The following ANXA4 variants were observed in gnomAD, a reference collection of about 807,000 sequenced individuals.
ANXA4 encodes the protein 35-beta calcimedin.
In ANXA4, 39 loss-of-function variants were observed where a neutral mutation model predicts 49.8. The observed-to-expected ratio is 0.78, with a 90% CI of 0.61 to 1.02. The LOEUF is 1.02. ANXA4 is among the 50% of genes least tolerant of loss of function. The pLI is 0.00. For synonymous variants in ANXA4, 134 were observed against 152.5 expected (o/e 0.88, Z 0.89); for missense variants, 360 against 410.1 (o/e 0.88, Z 1.05).
intron 2 of ANXA4, among the ~76,000 whole-genome samples, chr2:69,663,259 G>A (rs540993936): frequency 7.4e-6 from 1 of 135,682 alleles, no homozygotes. Flanking sequence ...CTCCCAAAGT[G>A]CTGGGATTAC....
chr2:69,656,375 ATGTG>A (rs1474998943), intron 2 of ANXA4, among the ~76,000 whole-genome samples: 11 of 128,396 alleles, frequency 8.6e-5, no homozygotes, highest in African/African-American at 3.3e-4. Flanking sequence ...ATGTGTATAT[ATGTG>A]TATATATATG....
Position 69,821,926 on chromosome 2 carries a change from A to G in ANXA4, c.906+1105A>G, listed in dbSNP as rs539071757. On this transcript the variant is annotated intron_variant, in intron 12 of 12. Coordinates refer to ENST00000394295, the MANE Select transcript of ANXA4 (RefSeq NM_001153.5). ...ATACTACAAACAAGAAAAAAACAAA[A>G]TAACCCCAGGAAATGACAAATGATT... 2.0e-5 allele frequency among the ~76,000 whole-genome samples: 3 copies of G among 152,362 alleles called. No homozygotes were observed. The South Asian group carries it at 6.2e-4, about 32-fold the overall frequency.
chr2:69,736,547 C>A (rs1003240170), intron 3 of ANXA4, among the ~76,000 whole-genome samples: 2 of 152,164 alleles, frequency 1.3e-5, no homozygotes, highest in Non-Finnish European at 2.9e-5. Flanking sequence ...TAACTAATTA[C>A]CCTTCCCCAT....
At chr2:69,718,877 C>T (rs1669737302) in intron 2 of ANXA4, among the ~76,000 whole-genome samples, 1 of 151,178 alleles carries the variant, frequency 6.6e-6, no homozygotes, top group Non-Finnish European at 1.5e-5. Flanking sequence ...TGCATACGCA[C>T]ATGCATACAC....
chr2:69,749,951 G>C (rs1385436320), intron 1 of ANXA4, among the ~76,000 whole-genome samples: 1 of 151,718 alleles, frequency 6.6e-6, no homozygotes, highest in Non-Finnish European at 1.5e-5. Context: ...GATGGAGGCT[G>C]TCTATATTCT....
At chr2:69,784,876 C>T (rs1443214235) in intron 2 of ANXA4, among the ~76,000 whole-genome samples, 8 of 152,328 alleles carry the variant, frequency 5.3e-5, no homozygotes, top group African/African-American at 1.9e-4. Flanking sequence ...ATGTCTCTGT[C>T]TTCTCATATC....
chr2:69,740,680 CTTTTT>C (rs3077548), upstream of ANXA4, among the ~76,000 whole-genome samples: 2,535 of 75,628 alleles, frequency 0.034, 84 homozygotes, highest in African/African-American at 0.13. Flanking sequence ...CTTTCTTCCT[CTTTTT>C]TTTTTTTTTT....
intron 5 of ANXA4, 144 bp from the exon 6 acceptor site, chr2:69,807,762 A>T (rs1673507772): frequency 1.5e-6 from 1 of 664,432 alleles, no homozygotes; most frequent in East Asian, 2.8e-5. Context: ...CGGGTGGGAC[A>T]ATAAAAGTGA....
At chr2:69,725,198 G>A (rs377628935) in intron 3 of ANXA4, among the ~76,000 whole-genome samples, 140 of 152,104 alleles carry the variant, frequency 9.2e-4, no homozygotes, top group African/African-American at 3.2e-3. Flanking sequence ...CTGACTCAAG[G>A]TGACATATAG....
At chr2:69,757,454 TA>T (rs1331891108) in intron 1 of ANXA4, among the ~76,000 whole-genome samples, 1 of 143,312 alleles carries the variant, frequency 7.0e-6, no homozygotes, top group African/African-American at 2.6e-5. Context: ...TTTTTTTTTT[TA>T]GTAGAGACAG....
Position 69,676,885 on chromosome 2 carries a change from A to G in ANXA4, n.766+23603A>G, listed in dbSNP as rs577346090. On this transcript the variant is annotated intron_variant and non_coding_transcript_variant, in intron 2 of 3. Transcript: ENST00000418066. ...TCCAGCCTGGGCGACAGAGCGGGGG[A>G]AAAAAACAAAAAAACACCCCTATTC... Among the ~76,000 whole-genome samples, 354 of 152,162 alleles carry G rather than the reference A, an allele frequency of 2.3e-3. 1 individual carries two copies. Among genetic ancestry groups the G allele is most frequent in the Non-Finnish European group, 4.0e-3 (273 of 67,970 alleles).
chr2:69,823,516 A>G (rs1295331186), intron 12 of ANXA4, among the ~76,000 whole-genome samples: 1 of 152,112 alleles, frequency 6.6e-6, no homozygotes, highest in Non-Finnish European at 1.5e-5. Flanking sequence ...GCTTAAAGAA[A>G]AACACCAGGG....
intron 9 of ANXA4, 129 bp downstream of exon 9, chr2:69,816,323 T>C: frequency 1.4e-6 from 1 of 693,654 alleles, no homozygotes. Context: ...GTGTCTTAGA[T>C]TCTCACCCTG....
Position 69,781,469 on chromosome 2 carries a change from T to TTTATTAATCA in ANXA4, c.-46-48_-46-47insTTAATCATTA. 2.1e-6 allele frequency: 3 copies of TTTATTAATCA among 1,461,676 alleles called. No homozygotes were observed. The South Asian group carries it at 3.5e-5, about 17-fold the overall frequency. The allele number at this position is 1,461,676 out of a possible 1,614,324, so 90.5% of individuals were successfully genotyped here. On this transcript the variant is annotated intron_variant, in intron 1 of 12. Transcript: ENST00000394295. ...ACTGCAAGTTATCCTGATTAATGAT[T>TTTATTAATCA]TTAATGCCATTTCCTTCATCACAGT... is the stretch of plus-strand genomic sequence containing the variant.
chr2:69,709,297 A>G (rs1016529044), intron 2 of ANXA4, among the ~76,000 whole-genome samples: 1 of 152,200 alleles, frequency 6.6e-6, no homozygotes, highest in Non-Finnish European at 1.5e-5. Flanking sequence ...TACATCTATA[A>G]AGTTTACTTC....
intron 1 of ANXA4, among the ~76,000 whole-genome samples, chr2:69,647,474 T>A (rs1340556969): frequency 6.6e-6 from 1 of 151,988 alleles, no homozygotes; most frequent in Non-Finnish European, 1.5e-5. Context: ...AGTGGCGTGA[T>A]CTCGTCTCAC....
chr2:69,706,594 G>A (rs775347664), intron 2 of ANXA4, among the ~76,000 whole-genome samples: 6 of 152,126 alleles, frequency 3.9e-5, no homozygotes, highest in African/African-American at 9.6e-5. Context: ...GAGCCACCGC[G>A]CCCAGTCGGT....
In ANXA4 at chr2:69,648,989, G is replaced by A. The variant is rs552058795; in HGVS notation, n.482-4009G>A. On this transcript the variant is annotated intron_variant and non_coding_transcript_variant, in intron 1 of 3. Coordinates refer to the ANXA4 transcript ENST00000418066. ...CAACCTCCGCCTCCCAGGTTCAAGCGATTCTCCTGCCTCAGCCTTCCTGAG... is the reference window on the plus strand; with the variant it reads ...CAACCTCCGCCTCCCAGGTTCAAGCAATTCTCCTGCCTCAGCCTTCCTGAG... Among the ~76,000 whole-genome samples, 17 of 148,778 alleles carry A rather than the reference G, an allele frequency of 1.1e-4. No individual in the cohort carries two copies. The East Asian group carries it at 2.5e-3, about 22-fold the overall frequency.
chr2:69,686,246 G>A (rs563462609), intron 2 of ANXA4, among the ~76,000 whole-genome samples: 34 of 152,038 alleles, frequency 2.2e-4, no homozygotes, highest in Middle Eastern at 3.4e-3. Context: ...GTGCAATGGC[G>A]TGATCTCTTC....
Sources: allele counts gnomAD v4.1 joint callset (sites outside exome capture counted in the v4.1 genomes callset), GRCh38; gene constraint gnomAD v4.1.1; transcripts MANE v1.5; gene names NCBI Gene and HGNC (gene_info 2026-07-23, HGNC 2026-07-21).